ADAMTS18: variants seen among roughly 807,000 people sequenced by gnomAD.
The protein encoded by ADAMTS18 is ADAM metallopeptidase with thrombospondin type 1 motif 18, also known as A disintegrin and metalloproteinase with thrombospondin motifs 18.
In ADAMTS18, 157 loss-of-function variants were observed where a neutral mutation model predicts 165.9. That is an observed-to-expected ratio of 0.95 (90% CI 0.83 to 1.08). The LOEUF is 1.08. Ranked by LOEUF, ADAMTS18 falls within the 50% of genes least tolerant of loss-of-function variation. ADAMTS18 has a pLI of 0.00. For synonymous variants in ADAMTS18, 782 were observed against 578.2 expected (o/e 1.35, Z -5.06); for missense variants, 2,040 against 1,534.0 (o/e 1.33, Z -5.51).
chr16:77,384,422 A>G (rs1369989359), intron 3 of ADAMTS18, among the ~76,000 whole-genome samples: 2 of 152,176 alleles, frequency 1.3e-5, no homozygotes, highest in South Asian at 2.1e-4. Context: ...TTGATGTTGT[A>G]TTTGATTTTG....
chr16:77,292,995 A>G (rs1464194213), intron 20 of ADAMTS18, 81 bp downstream of exon 20: 1 of 1,581,490 alleles, frequency 6.3e-7, no homozygotes, highest in Admixed American at 1.7e-5. Context: ...AATTTTTTGT[A>G]TTTTTAGTAG....
intron 3 of ADAMTS18, among the ~76,000 whole-genome samples, chr16:77,370,729 A>G (rs2056864384): frequency 6.6e-6 from 1 of 152,002 alleles, no homozygotes; most frequent in Non-Finnish European, 1.5e-5. Flanking sequence ...CAGCGTGGGC[A>G]TTAAGAGCAA....
intron 8 of ADAMTS18, among the ~76,000 whole-genome samples, chr16:77,356,671 T>C (rs1597163784): frequency 6.6e-6 from 1 of 152,208 alleles, no homozygotes; most frequent in African/African-American, 2.4e-5. Flanking sequence ...GGCTATTAAA[T>C]CTTGACCATT....
intron 3 of ADAMTS18, among the ~76,000 whole-genome samples, chr16:77,389,675 C>G (rs972062174): frequency 3.3e-5 from 5 of 152,094 alleles, no homozygotes; most frequent in Non-Finnish European, 7.3e-5. Context: ...TTCGAAAGGT[C>G]TCTTAGAAGA....
At chr16:77,423,587 A>G (rs2057631997) in intron 3 of ADAMTS18, among the ~76,000 whole-genome samples, 1 of 152,168 alleles carries the variant, frequency 6.6e-6, no homozygotes, top group Non-Finnish European at 1.5e-5. Flanking sequence ...AGCCAGGATA[A>G]AGAGTTTTCC....
In ADAMTS18 at chr16:77,283,992, T is replaced by G. The variant is rs2055198275; in HGVS notation, c.3630A>C (p.Gly1210=). The G allele has an allele frequency of 2.5e-6, 4 of 1,613,908 alleles. No homozygotes were observed. In the Admixed American group the frequency reaches 6.7e-5, roughly 27 times the overall value. Residue 1210 remains glycine (G), a synonymous_variant, in exon 23 of 23, where the codon GGA becomes GGC. Coordinates refer to ENST00000282849, the MANE Select transcript of ADAMTS18 (RefSeq NM_199355.4). ...QHGVCNHKFY[G]KQCCKSCTRK... Reference sequence around the variant, plus strand: ...TTGTGCATGACTTGCAGCATTGTTTTCCGTAAAACTTGTGGTTGCAGACAC... The same window carrying G: ...TTGTGCATGACTTGCAGCATTGTTTGCCGTAAAACTTGTGGTTGCAGACAC...
intron 3 of ADAMTS18, among the ~76,000 whole-genome samples, chr16:77,375,542 A>G (rs895645545): frequency 2.0e-5 from 3 of 152,188 alleles, no homozygotes; most frequent in African/African-American, 7.2e-5. Flanking sequence ...CTGGTCCACG[A>G]TGGGGAAGTC....
At chr16:77,362,301 T>A in intron 6 of ADAMTS18, 37 bp from the exon 7 acceptor site, 1 of 1,611,658 alleles carries the variant, frequency 6.2e-7, no homozygotes, top group Non-Finnish European at 8.5e-7. Flanking sequence ...TGTGAATTTG[T>A]CACAGAGATG....
At chr16:77,375,668 T>A (rs1198000001) in intron 3 of ADAMTS18, among the ~76,000 whole-genome samples, 2 of 152,150 alleles carry the variant, frequency 1.3e-5, no homozygotes, top group African/African-American at 2.4e-5. Context: ...GGGGACGCCC[T>A]TAGGCTCCTC....
intron 6 of ADAMTS18, among the ~76,000 whole-genome samples, 153 bp downstream of exon 6, chr16:77,363,648 CA>C: frequency 6.6e-6 from 1 of 151,910 alleles, no homozygotes; most frequent in East Asian, 1.9e-4. Context: ...TGTGATTACA[CA>C]ATCTTTTAAA....
intron 22 of ADAMTS18, among the ~76,000 whole-genome samples, chr16:77,286,644 G>A (rs1439185237): frequency 6.6e-6 from 1 of 152,058 alleles, no homozygotes; most frequent in African/African-American, 2.4e-5. Context: ...TGATTTTAGG[G>A]TCCTTGCTCC....
At chr16:77,414,659 G>A (rs1419779579) in intron 3 of ADAMTS18, among the ~76,000 whole-genome samples, 3 of 152,118 alleles carry the variant, frequency 2.0e-5, no homozygotes, top group Non-Finnish European at 4.4e-5. Context: ...GAGATTTCAT[G>A]GGGGAATAAA....
At chr16:77,291,620 A>T (rs998597864) in intron 20 of ADAMTS18, 142 bp from the exon 21 acceptor site, 11 of 882,680 alleles carry the variant, frequency 1.2e-5, no homozygotes, top group Admixed American at 7.0e-5. Flanking sequence ...TCACTCGAGG[A>T]TCTTACAGAT....
intron 3 of ADAMTS18, among the ~76,000 whole-genome samples, chr16:77,369,717 A>T (rs2056849263): frequency 6.6e-6 from 1 of 152,204 alleles, no homozygotes; most frequent in Non-Finnish European, 1.5e-5. Context: ...CAAATTGAAG[A>T]GGGGGTAGTT....
chr16:77,395,267 A>C (rs573191039), intron 3 of ADAMTS18, among the ~76,000 whole-genome samples: 1 of 152,132 alleles, frequency 6.6e-6, no homozygotes, highest in Non-Finnish European at 1.5e-5. Context: ...AGGGGAGGCC[A>C]AAGTTCTCTG....
intron 16 of ADAMTS18, among the ~76,000 whole-genome samples, chr16:77,312,017 A>G (rs2055790760): frequency 6.6e-6 from 1 of 152,176 alleles, no homozygotes; most frequent in South Asian, 2.1e-4. Context: ...TTTTAAAAAC[A>G]TATTATACAT....
At chr16:77,400,389 G>A (rs1411355017) in intron 3 of ADAMTS18, among the ~76,000 whole-genome samples, 1 of 151,294 alleles carries the variant, frequency 6.6e-6, no homozygotes, top group Non-Finnish European at 1.5e-5. Context: ...ATTAATGGAG[G>A]GTAGAACCCA....
chr16:77,431,782 C>T, intron 2 of ADAMTS18, 171 bp from the exon 3 acceptor site: 4 of 704,080 alleles, frequency 5.7e-6, no homozygotes, highest in South Asian at 4.9e-5. Flanking sequence ...AGACCTGTCT[C>T]TACAACTAAC....
chr16:77,359,120 T>C (rs750529399), intron 8 of ADAMTS18, among the ~76,000 whole-genome samples, 198 bp downstream of exon 8: 8 of 152,226 alleles, frequency 5.3e-5, no homozygotes, highest in Non-Finnish European at 1.0e-4. Flanking sequence ...GTGTGGCTAT[T>C]AAGTGCTGCT....
Sources: gnomAD v4.1 joint callset for allele counts (sites outside exome capture counted in the v4.1 genomes callset) on GRCh38, gnomAD v4.1.1 for gene constraint, MANE v1.5 for transcripts, NCBI Gene and HGNC (gene_info 2026-07-23, HGNC 2026-07-21) for gene names.